GABRA5: variants seen among roughly 807,000 people sequenced by gnomAD.
GABRA5 encodes the protein gamma-aminobutyric acid type A receptor subunit alpha5, also known as gamma-aminobutyric acid receptor subunit alpha-5.
In GABRA5, 18 loss-of-function variants were observed where a neutral mutation model predicts 47.3. That is an observed-to-expected ratio of 0.38 (90% confidence interval 0.26 to 0.56). The LOEUF is 0.56. Ranked by LOEUF, GABRA5 falls within the 20% of genes least tolerant of loss-of-function variation. The pLI is 0.71. For synonymous variants in GABRA5, 237 were observed against 229.3 expected (o/e 1.03, Z -0.30); for missense variants, 365 against 599.3 (o/e 0.61, Z 4.08).
chr15:26,892,477 C>T (rs1199795682), intron 6 of GABRA5, among the ~76,000 whole-genome samples: 1 of 152,102 alleles, frequency 6.6e-6, no homozygotes, highest in Non-Finnish European at 1.5e-5. Flanking sequence ...ACCTGCGAGT[C>T]CGCGGACACA....
chr15:26,933,083 C>T (rs1894148021), intron 7 of GABRA5, among the ~76,000 whole-genome samples: 1 of 144,936 alleles, frequency 6.9e-6, no homozygotes, highest in African/African-American at 2.6e-5. Context: ...ACATCCTGCA[C>T]ATGTATCCCG....
chr15:26,870,472 A>T (rs980077783), intron 3 of GABRA5, among the ~76,000 whole-genome samples: 3 of 152,210 alleles, frequency 2.0e-5, no homozygotes, highest in African/African-American at 7.2e-5. Flanking sequence ...GCTAAGGAAG[A>T]TGCCTGTCCC....
intron 6 of GABRA5, among the ~76,000 whole-genome samples, chr15:26,911,956 C>T (rs975892056): frequency 2.6e-5 from 4 of 152,172 alleles, no homozygotes; most frequent in Non-Finnish European, 4.4e-5. Context: ...TTGTTAGCAT[C>T]TTTGTCAGAA....
chr15:26,899,499 A>G (rs2070053142), intron 6 of GABRA5, among the ~76,000 whole-genome samples: 1 of 152,162 alleles, frequency 6.6e-6, no homozygotes, highest in African/African-American at 2.4e-5. Flanking sequence ...TTCTCTCTAG[A>G]TACTCTACTC....
At chr15:26,888,633 G>C (rs1892934579) in intron 6 of GABRA5, among the ~76,000 whole-genome samples, 1 of 152,180 alleles carries the variant, frequency 6.6e-6, no homozygotes, top group Admixed American at 6.5e-5. Context: ...CTGAAGTACA[G>C]GGTGGCCACC....
At chr15:26,909,887 G>A (rs1387600006) in intron 6 of GABRA5, among the ~76,000 whole-genome samples, 1 of 152,190 alleles carries the variant, frequency 6.6e-6, no homozygotes, top group Non-Finnish European at 1.5e-5. Context: ...GCCTGCCACT[G>A]TCACACCTAC....
chr15:26,870,485 A>C (rs1354232404), intron 3 of GABRA5, among the ~76,000 whole-genome samples: 1 of 152,182 alleles, frequency 6.6e-6, no homozygotes, highest in African/African-American at 2.4e-5. Context: ...CCTGTCCCTC[A>C]CCAACAGAAG....
In GABRA5 at chr15:26,875,667, G is replaced by A. The variant is rs182963537; in HGVS notation, c.87-5179G>A. ...GCATGCTTGATGTGTTAGGAACAGCGGAGGGGCAGGCGTGAGGAAGTGGGA... is the reference window on the plus strand; with the variant it reads ...GCATGCTTGATGTGTTAGGAACAGCAGAGGGGCAGGCGTGAGGAAGTGGGA... On this transcript the variant is annotated intron_variant, in intron 3 of 10. Transcript: ENST00000335625. Among the ~76,000 whole-genome samples the A allele has an allele frequency of 3.6e-3, 542 of 152,172 alleles. 3 individuals carry two copies. The highest frequency in any genetic ancestry group is 0.012 in the African/African-American group (500 of 41,492).
In GABRA5 at chr15:26,883,760, G is replaced by A. The variant is rs565203243; in HGVS notation, c.497+203G>A. 7.5e-4 allele frequency among the ~76,000 whole-genome samples: 114 copies of A among 152,242 alleles called. No homozygotes were observed. Among genetic ancestry groups the A allele is most frequent in the Non-Finnish European group, 1.4e-3 (96 of 68,042 alleles). ...TTCCCAGGGCTGCCATAGGTCCGTG[G>A]CCGTTTGTCATTTGGACTCGTTTAT... On this transcript the variant is annotated intron_variant, in intron 6 of 10. Transcript: ENST00000335625. This position sits in a 1 kb window ranked among gnomAD's most constrained non-coding sequence, Gnocchi z 4.8.
At chr15:26,878,650 G>A (rs1016754892) in intron 3 of GABRA5, among the ~76,000 whole-genome samples, 1 of 152,124 alleles carries the variant, frequency 6.6e-6, no homozygotes, top group African/African-American at 2.4e-5. Flanking sequence ...TGGCCCCATC[G>A]TACAAAGAAA....
chr15:26,945,899 T>TCACTTGGTTCTA (rs2140603727), intron 10 of GABRA5, among the ~76,000 whole-genome samples: 1 of 151,906 alleles, frequency 6.6e-6, no homozygotes, highest in Admixed American at 6.5e-5. Context: ...GGCTTGCCCT[T>TCACTTGGTTCTA]CACTTGGTTC....
chr15:26,912,713 A>G (rs904767557), intron 6 of GABRA5, among the ~76,000 whole-genome samples: 5 of 152,236 alleles, frequency 3.3e-5, no homozygotes, highest in Non-Finnish European at 5.9e-5. Context: ...TGGGGGAAGT[A>G]CTTCTGTTCT....
At chr15:26,880,659 A>G (rs1466045241) in intron 3 of GABRA5, 187 bp from the exon 4 acceptor site, 1 of 509,106 alleles carries the variant, frequency 2.0e-6, no homozygotes, top group Non-Finnish European at 3.4e-6. Context: ...CAAGCAGAGT[A>G]TCCTTGGATG....
chr15:26,911,388 C>CACACACAAACACACACACAA (rs1555391758), intron 6 of GABRA5, among the ~76,000 whole-genome samples: 15 of 146,768 alleles, frequency 1.0e-4, no homozygotes, highest in Admixed American at 3.4e-4. Flanking sequence ...CACACACACA[C>CACACACAAACACACACACAA]ACACACACAA....
rs1894072164 is a variant in GABRA5, at chr15:26,930,403, T to G, written c.581-6782T>G. On this transcript the variant is annotated intron_variant, in intron 7 of 10. Coordinates refer to ENST00000335625, the MANE Select transcript of GABRA5 (RefSeq NM_000810.4). Reference sequence around the variant, plus strand: ...AGAGAAACAGGTCACTTCAACACTTTGTTTAGCATATTTCCTTAGCCGATA... The same window carrying G: ...AGAGAAACAGGTCACTTCAACACTTGGTTTAGCATATTTCCTTAGCCGATA... Among the ~76,000 whole-genome samples, 10 of 152,322 alleles carry G rather than the reference T, an allele frequency of 6.6e-5. 1 individual carries two copies. The South Asian group carries it at 1.9e-3, about 28-fold the overall frequency.
At position 26,881,874 on chromosome 15, in the gene GABRA5, GT is replaced by G. The variant is rs778346322; in HGVS notation, c.208+912del. Among the ~76,000 whole-genome samples the G allele has an allele frequency of 8.4e-4, 128 of 152,112 alleles. No homozygotes were observed. The Middle Eastern group carries it at 0.01, about 12-fold the overall frequency. Reference sequence around the variant, plus strand: ...ACCACCATGCCCAGCTAATTTTTGTGTTTTTAGTAGAGATGGGGTTTCACCA... The same window carrying G: ...ACCACCATGCCCAGCTAATTTTTGTGTTTTAGTAGAGATGGGGTTTCACCA... On this transcript the variant is annotated intron_variant, in intron 4 of 10. Coordinates refer to ENST00000335625, the MANE Select transcript of GABRA5 (RefSeq NM_000810.4).
chr15:26,926,675 G>A (rs376787402), intron 7 of GABRA5, among the ~76,000 whole-genome samples: 4 of 147,102 alleles, frequency 2.7e-5, no homozygotes, highest in African/African-American at 7.8e-5. Flanking sequence ...AGGAAGTGGA[G>A]TTGTACAACT....
intron 3 of GABRA5, among the ~76,000 whole-genome samples, chr15:26,873,574 T>A (rs567417787): frequency 6.6e-6 from 1 of 152,352 alleles, no homozygotes; most frequent in African/African-American, 2.4e-5. Context: ...CGTTTGTTTT[T>A]GTGAAGAGAA....
rs572148676 is a variant in GABRA5 at position 26,896,854 on chromosome 15, T to C, written c.497+13297T>C. ...CAAGTATCTATATCACTGCTCCATT[T>C]CCTCGGGTGATTTATTTTTCTATAT... On this transcript the variant is annotated intron_variant, in intron 6 of 10. Coordinates refer to ENST00000335625, the MANE Select transcript of GABRA5 (RefSeq NM_000810.4). Among the ~76,000 whole-genome samples the C allele has an allele frequency of 4.8e-4, 73 of 152,236 alleles. 1 individual carries two copies. The South Asian group carries it at 0.012, about 26-fold the overall frequency.
Sources: gnomAD v4.1 joint callset for allele counts (sites outside exome capture counted in the v4.1 genomes callset) on GRCh38, gnomAD v4.1.1 for gene constraint, Gnocchi (gnomAD v3.1) non-coding constraint, MANE v1.5 for transcripts, NCBI Gene and HGNC (gene_info 2026-07-23, HGNC 2026-07-21) for gene names.